ATP10B: variants seen among roughly 807,000 people sequenced by gnomAD.
ATP10B encodes ATPase phospholipid transporting 10B (putative).
In ATP10B, 122 loss-of-function variants were observed where a neutral mutation model predicts 141.2. The observed-to-expected ratio is 0.86, with a 90% CI of 0.75 to 1.00. The LOEUF (loss-of-function observed/expected upper bound fraction) is 1.00. ATP10B is among the 50% of genes least tolerant of loss of function. The probability of loss-of-function intolerance (pLI) is 0.00; values close to 1 mark genes in which losing one functional copy is unlikely to be tolerated. For synonymous variants in ATP10B, 685 were observed against 692.0 expected (o/e 0.99, Z 0.16); for missense variants, 1,876 against 1,825.3 (o/e 1.03, Z -0.51).
chr5:160,803,384 A>G (rs938398414), intron 1 of ATP10B, among the ~76,000 whole-genome samples: 1 of 152,196 alleles, frequency 6.6e-6, no homozygotes, highest in Non-Finnish European at 1.5e-5. Context: ...AGGCATAGGA[A>G]GAGGCTACTT....
At chr5:160,587,004 T>G (rs1755952658) in intron 24 of ATP10B, among the ~76,000 whole-genome samples, 1 of 152,200 alleles carries the variant, frequency 6.6e-6, no homozygotes, top group African/African-American at 2.4e-5. Context: ...CTTTTGGTGT[T>G]TTCGTCATGA....
chr5:160,861,473 AATAG>A, the ATP10B span, among the ~76,000 whole-genome samples: 3 of 151,952 alleles, frequency 2.0e-5, no homozygotes, highest in African/African-American at 4.8e-5. Context: ...CAAAAATTTA[AATAG>A]ATACTTTATA....
chr5:160,565,946 T>A (rs1037447274), intron 25 of ATP10B, 46 bp from the exon 26 acceptor site: 1 of 1,509,786 alleles, frequency 6.6e-7, no homozygotes, highest in Non-Finnish European at 8.9e-7. Context: ...TTCCACTGAC[T>A]TCATAAACTT....
chr5:160,666,763 C>A (rs777449444), intron 7 of ATP10B, among the ~76,000 whole-genome samples: 3 of 152,274 alleles, frequency 2.0e-5, no homozygotes, highest in South Asian at 2.1e-4. Flanking sequence ...ATGTCTCCCT[C>A]CAGGGAGCAG....
intron 2 of ATP10B, among the ~76,000 whole-genome samples, chr5:160,766,393 C>A (rs1223718266): frequency 6.9e-6 from 1 of 145,454 alleles, no homozygotes; most frequent in Non-Finnish European, 1.5e-5. Flanking sequence ...CAGACACTCA[C>A]CATGGAATAC....
chr5:160,918,127 C>T, the ATP10B span, among the ~76,000 whole-genome samples: 1 of 152,190 alleles, frequency 6.6e-6, no homozygotes, highest in Non-Finnish European at 1.5e-5. Context: ...GATGATCAAG[C>T]AGTCATTGTC....
chr5:160,839,049 A>T (rs1006100571), intron 1 of ATP10B, among the ~76,000 whole-genome samples: 2 of 152,172 alleles, frequency 1.3e-5, no homozygotes, highest in African/African-American at 4.8e-5. Flanking sequence ...GCCCCACCAG[A>T]AGCTGAGTAG....
intron 1 of ATP10B, among the ~76,000 whole-genome samples, chr5:160,787,424 A>G (rs1414635695): frequency 6.6e-6 from 1 of 152,076 alleles, no homozygotes; most frequent in Non-Finnish European, 1.5e-5. Context: ...ATTGTTGGCT[A>G]AGCCAACTGA....
intron 1 of ATP10B, among the ~76,000 whole-genome samples, chr5:160,802,379 T>G (rs34391562): frequency 0.3 from 46,190 of 152,036 alleles, 7,289 homozygotes; most frequent in African/African-American, 0.4. Flanking sequence ...CCAACCTATA[T>G]CAGTGGTTCT....
intron 3 of ATP10B, among the ~76,000 whole-genome samples, chr5:160,703,040 C>G (rs937585676): frequency 3.3e-5 from 5 of 152,116 alleles, no homozygotes; most frequent in African/African-American, 1.2e-4. Context: ...ACTAGAAGAT[C>G]TGCAGAAGCA....
At chr5:160,606,654 G>T in intron 19 of ATP10B, 111 bp downstream of exon 19, 1 of 1,063,600 alleles carries the variant, frequency 9.4e-7, no homozygotes, top group South Asian at 1.6e-5. Context: ...CTAAGACAAT[G>T]ACTCACAGCC....
At chr5:160,869,977 G>A in the ATP10B span, among the ~76,000 whole-genome samples, 1 of 152,078 alleles carries the variant, frequency 6.6e-6, no homozygotes, top group Non-Finnish European at 1.5e-5. Context: ...AATATACCAG[G>A]CAACTCTGTT....
chr5:160,756,315 A>G lies in ATP10B; in HGVS notation c.-331+29244T>C, dbSNP rs1356545925. 1.3e-5 allele frequency among the ~76,000 whole-genome samples: 2 copies of G among 152,228 alleles called. 1 individual carries two copies. Among genetic ancestry groups the G allele is most frequent in the Non-Finnish European group, 2.9e-5 (2 of 68,042 alleles). ...GGGTTTTGATAGTTTTTGGCTGTAT[A>G]AATAAAGCTACTCTGAACGTTTGTC... On this transcript the variant is annotated intron_variant, in intron 2 of 25. Coordinates refer to ENST00000327245, the MANE Select transcript of ATP10B (RefSeq NM_025153.3).
chr5:160,877,639 T>C, the ATP10B span, among the ~76,000 whole-genome samples: 1 of 150,048 alleles, frequency 6.7e-6, no homozygotes, highest in Non-Finnish European at 1.5e-5. Context: ...GAAAACCCCA[T>C]TGTCTCAGCC....
chr5:160,770,148 GTCTC>G (rs1561835935), intron 2 of ATP10B, among the ~76,000 whole-genome samples: 1 of 151,902 alleles, frequency 6.6e-6, no homozygotes, highest in African/African-American at 2.4e-5. Flanking sequence ...CTGTGTCTCT[GTCTC>G]TCTTTTTCTG....
intron 1 of ATP10B, among the ~76,000 whole-genome samples, chr5:160,812,608 A>G (rs1315516153): frequency 6.6e-6 from 1 of 152,250 alleles, no homozygotes; most frequent in East Asian, 1.9e-4. Context: ...TGCAATTGAC[A>G]TACTGAAGGA....
At chr5:160,685,045 A>G (rs754373718) in intron 6 of ATP10B, 2 of 703,626 alleles carry the variant, frequency 2.8e-6, no homozygotes, top group South Asian at 3.0e-5. Flanking sequence ...TAGCTGCTCA[A>G]AAATGTTTTT....
rs1167846557 is a variant in ATP10B at position 160,671,720 on chromosome 5, C to A, written c.471-1053G>T. Among the ~76,000 whole-genome samples, 3 of 152,294 alleles carry A rather than the reference C, an allele frequency of 2.0e-5. No homozygotes were observed. The East Asian group carries it at 5.8e-4, about 29-fold the overall frequency. On this transcript the variant is annotated intron_variant, in intron 6 of 25. Coordinates refer to ENST00000327245, the MANE Select transcript of ATP10B (RefSeq NM_025153.3). ...TTCTTACCTGCCAAGCACTTGTGTT[C>A]ATTAACATTTCATTTACTTTGCATA...
chr5:160,881,571 G>C, the ATP10B span, among the ~76,000 whole-genome samples: 1 of 152,144 alleles, frequency 6.6e-6, no homozygotes, highest in Non-Finnish European at 1.5e-5. Context: ...CCAGCACTTT[G>C]GGAGGCCGAG....
Sources: gnomAD v4.1 joint callset for allele counts (sites outside exome capture counted in the v4.1 genomes callset) on GRCh38, gnomAD v4.1.1 for gene constraint, MANE v1.5 for transcripts, NCBI Gene and HGNC (gene_info 2026-07-23, HGNC 2026-07-21) for gene names.